PCDH9: variants seen among roughly 807,000 people sequenced by gnomAD.
PCDH9 encodes protocadherin-9.
Under a neutral mutation model 70.6 loss-of-function variants are expected in PCDH9, and 24 were observed. That is an observed-to-expected ratio of 0.34 (90% confidence interval 0.25 to 0.48). PCDH9 has a LOEUF of 0.48. Ranked by LOEUF, PCDH9 falls within the 20% of genes least tolerant of loss-of-function variation. The probability of loss-of-function intolerance (pLI) is 0.99; values close to 1 mark genes in which losing one functional copy is unlikely to be tolerated. For missense variants in PCDH9, 1,281 were observed against 1,503.6 expected (o/e 0.85, Z 2.45); for synonymous variants, 562 against 558.5 (o/e 1.01, Z -0.09).
At chr13:66,786,515 C>T (rs2080082301) in intron 3 of PCDH9, among the ~76,000 whole-genome samples, 1 of 152,152 alleles carries the variant, frequency 6.6e-6, no homozygotes, top group Non-Finnish European at 1.5e-5. Flanking sequence ...TTCTGATTTT[C>T]TCAGTGACGT....
At chr13:66,586,953 A>G (rs1456393262) in intron 4 of PCDH9, among the ~76,000 whole-genome samples, 38 of 152,112 alleles carry the variant, frequency 2.5e-4, no homozygotes, top group Admixed American at 2.4e-3. Flanking sequence ...TTCCCTGACC[A>G]TATGAATGTA....
chr13:66,828,150 G>A (rs1235071336), intron 3 of PCDH9, among the ~76,000 whole-genome samples: 2 of 152,046 alleles, frequency 1.3e-5, no homozygotes, highest in African/African-American at 4.8e-5. Flanking sequence ...AGTTTAAAAC[G>A]TGAAAGTACT....
intron 3 of PCDH9, among the ~76,000 whole-genome samples, chr13:66,729,022 G>C (rs1290661410): frequency 6.6e-6 from 1 of 151,754 alleles, no homozygotes; most frequent in Non-Finnish European, 1.5e-5. Flanking sequence ...ATATTTGTAT[G>C]ATCAGTCTAG....
chr13:66,907,414 G>T (rs1167260549), intron 2 of PCDH9, among the ~76,000 whole-genome samples: 1 of 152,100 alleles, frequency 6.6e-6, no homozygotes, highest in African/African-American at 2.4e-5. Flanking sequence ...ATCACTGAAA[G>T]TACATTTGTT....
intron 2 of PCDH9, among the ~76,000 whole-genome samples, chr13:66,942,199 T>C (rs971854610): frequency 7.2e-5 from 11 of 151,886 alleles, no homozygotes; most frequent in African/African-American, 2.7e-4. Context: ...CCAGAAAATA[T>C]TCCTGTTAGT....
At chr13:66,971,292 A>G (rs977103354) in intron 2 of PCDH9, among the ~76,000 whole-genome samples, 3 of 152,082 alleles carry the variant, frequency 2.0e-5, no homozygotes, top group Non-Finnish European at 4.4e-5. Flanking sequence ...CTAACTAGAA[A>G]TAACAGTGGT....
At chr13:66,830,636 A>G (rs2080909222) in intron 3 of PCDH9, among the ~76,000 whole-genome samples, 1 of 152,212 alleles carries the variant, frequency 6.6e-6, no homozygotes, top group African/African-American at 2.4e-5. Context: ...AGCTGTCCAT[A>G]TAGTAAAATT....
intron 4 of PCDH9, among the ~76,000 whole-genome samples, chr13:66,421,257 C>T (rs1166041153): frequency 1.3e-5 from 2 of 152,094 alleles, no homozygotes; most frequent in African/African-American, 4.8e-5. Flanking sequence ...AAACACACTT[C>T]AAGATATTCA....
Position 66,975,580 on chromosome 13 carries a change from C to G in PCDH9, c.3037-71975G>C, listed in dbSNP as rs371989521. Among the ~76,000 whole-genome samples the G allele has an allele frequency of 1.8e-4, 28 of 151,952 alleles. No individual in the cohort carries two copies. In the East Asian group the frequency reaches 3.5e-3, roughly 19 times the overall value. ...AGAAATTCAAAACATGGAGTCAATG[C>G]TAAACATTTTTTAGAGCAAAGAGAA... is the stretch of plus-strand genomic sequence containing the variant. On this transcript the variant is annotated intron_variant, in intron 2 of 4. Transcript: ENST00000377865.
At chr13:67,070,785 T>C (rs759420064) in intron 2 of PCDH9, among the ~76,000 whole-genome samples, 1 of 152,196 alleles carries the variant, frequency 6.6e-6, no homozygotes, top group Non-Finnish European at 1.5e-5. Flanking sequence ...AGTTCTGGAA[T>C]GTAAAATCTA....
intron 4 of PCDH9, among the ~76,000 whole-genome samples, chr13:66,362,880 TC>T (rs1247028343): frequency 6.6e-6 from 1 of 152,134 alleles, no homozygotes; most frequent in Non-Finnish European, 1.5e-5. Context: ...ATATCTTCCT[TC>T]ATTCATAAAG....
intron 4 of PCDH9, among the ~76,000 whole-genome samples, chr13:66,620,783 A>G (rs1330846559): frequency 6.6e-6 from 1 of 152,122 alleles, no homozygotes; most frequent in Non-Finnish European, 1.5e-5. Context: ...AAACAATTTC[A>G]GGAACCTCAC....
intron 2 of PCDH9, among the ~76,000 whole-genome samples, chr13:66,974,664 C>G (rs1286013622): frequency 6.6e-6 from 1 of 152,022 alleles, no homozygotes; most frequent in Non-Finnish European, 1.5e-5. Context: ...ATGCGCCTAA[C>G]TCCTTAAAGC....
At chr13:66,711,559 C>A (rs1435592383) in intron 3 of PCDH9, among the ~76,000 whole-genome samples, 1 of 151,986 alleles carries the variant, frequency 6.6e-6, no homozygotes, top group South Asian at 2.1e-4. Flanking sequence ...TCGTCTTTTC[C>A]TTTAAATACA....
intron 4 of PCDH9, among the ~76,000 whole-genome samples, chr13:66,478,298 C>T (rs1404254523): frequency 1.3e-5 from 2 of 152,234 alleles, no homozygotes; most frequent in African/African-American, 4.8e-5. Flanking sequence ...CCCTCCTATT[C>T]TCTAAAACAA....
At chr13:66,717,468 AAAAAAAAAAAAAATATATATAT>A (rs2078881031) in intron 3 of PCDH9, among the ~76,000 whole-genome samples, 1 of 37,156 alleles carries the variant, frequency 2.7e-5, no homozygotes, top group East Asian at 8.8e-4. Flanking sequence ...AAAAAAAAAA[AAAAAAAAAAAAAATATATATAT>A]ATATATATAT....
At chr13:66,319,015 C>T (rs1270787764) in intron 4 of PCDH9, among the ~76,000 whole-genome samples, 3 of 152,010 alleles carry the variant, frequency 2.0e-5, no homozygotes, top group South Asian at 2.1e-4. Flanking sequence ...AAGAACTGCC[C>T]GAGACTGGGT....
At chr13:66,749,792 A>G (rs184268777) in intron 3 of PCDH9, among the ~76,000 whole-genome samples, 22 of 152,272 alleles carry the variant, frequency 1.4e-4, no homozygotes, top group African/African-American at 4.6e-4. Context: ...AATAGGATGA[A>G]CTGGTGACAG....
Position 66,708,928 on chromosome 13 carries a change from T to C in PCDH9, c.3139-77517A>G, listed in dbSNP as rs2078754427. ...TTTAGGGAGATGATTATACCACCCA[T>C]AAAGTGTCATAGTAGTTATGGTGTT... On this transcript the variant is annotated intron_variant, in intron 3 of 4. Transcript: ENST00000377865. Among the ~76,000 whole-genome samples, 2 of 152,164 alleles carry C rather than the reference T, an allele frequency of 1.3e-5. 1 individual carries two copies. Among genetic ancestry groups the C allele is most frequent in the South Asian group, 4.1e-4 (2 of 4,830 alleles).
Sources: gnomAD v4.1 joint callset for allele counts (sites outside exome capture counted in the v4.1 genomes callset) on GRCh38, gnomAD v4.1.1 for gene constraint, MANE v1.5 for transcripts, NCBI Gene and HGNC (gene_info 2026-07-23, HGNC 2026-07-21) for gene names.